The following EYS variants were observed in gnomAD, a reference collection of about 807,000 sequenced individuals.
EYS encodes protein eyes shut homolog.
Under a neutral mutation model 282.1 loss-of-function variants are expected in EYS, and 250 were observed. The ratio of observed to expected loss-of-function variants is 0.89; its 90% CI spans 0.80 to 0.98. EYS has a LOEUF of 0.98. Ranked by LOEUF, EYS falls within the 50% of genes least tolerant of loss-of-function variation. The probability of loss-of-function intolerance (pLI) is 0.00; values close to 1 mark genes in which losing one functional copy is unlikely to be tolerated. For missense variants in EYS, 4,016 were observed against 3,709.0 expected, an observed-to-expected ratio of 1.08 and a Z score of -2.15; for synonymous variants, 1,355 against 1,282.9, an observed-to-expected ratio of 1.06 and a Z score of -1.20.
chr6:64,054,574 TTGA>T (rs763812385), intron 33 of EYS, among the ~76,000 whole-genome samples: 7 of 152,258 alleles, frequency 4.6e-5, no homozygotes, highest in South Asian at 2.1e-4. Flanking sequence ...TTTTCTATTG[TTGA>T]TTTGATTTGA....
At chr6:64,568,368 G>A (rs1765622877) in intron 26 of EYS, among the ~76,000 whole-genome samples, 1 of 152,170 alleles carries the variant, frequency 6.6e-6, no homozygotes, top group Admixed American at 6.5e-5. Flanking sequence ...TCTAAAGGGA[G>A]GAGAAAAATC....
At chr6:64,616,348 A>G (rs1767275220) in intron 24 of EYS, among the ~76,000 whole-genome samples, 1 of 152,164 alleles carries the variant, frequency 6.6e-6, no homozygotes, top group African/African-American at 2.4e-5. Flanking sequence ...TCGCTTTTGT[A>G]GCAGTAAGAG....
intron 22 of EYS, among the ~76,000 whole-genome samples, chr6:64,773,501 AT>A (rs1773587880): frequency 6.6e-6 from 1 of 151,792 alleles, no homozygotes; most frequent in African/African-American, 2.4e-5. Flanking sequence ...CAATAATGGG[AT>A]TGCTGGATCG....
At chr6:64,626,577 G>T (rs1767617232) in intron 22 of EYS, among the ~76,000 whole-genome samples, 1 of 152,102 alleles carries the variant, frequency 6.6e-6, no homozygotes, top group Non-Finnish European at 1.5e-5. Context: ...GAGACCCACA[G>T]GGGAGAAGGC....
At chr6:63,883,417 C>T (rs1254805928) in intron 35 of EYS, among the ~76,000 whole-genome samples, 3 of 152,256 alleles carry the variant, frequency 2.0e-5, no homozygotes, top group Non-Finnish European at 2.9e-5. Flanking sequence ...TTCTTCTACC[C>T]TTGTGAAAAC....
At chr6:63,742,798 T>C (rs917421423) in intron 41 of EYS, among the ~76,000 whole-genome samples, 2 of 152,180 alleles carry the variant, frequency 1.3e-5, no homozygotes, top group Non-Finnish European at 2.9e-5. Flanking sequence ...AATACATGCC[T>C]GATTCATTTC....
chr6:64,668,058 C>A (rs1769296044), intron 22 of EYS, among the ~76,000 whole-genome samples: 1 of 152,174 alleles, frequency 6.6e-6, no homozygotes, highest in African/African-American at 2.4e-5. Context: ...AAGGTTACTG[C>A]TGCTCAAAAT....
intron 37 of EYS, among the ~76,000 whole-genome samples, chr6:63,790,759 A>G (rs1770490054): frequency 6.6e-6 from 1 of 152,178 alleles, no homozygotes; most frequent in Non-Finnish European, 1.5e-5. Context: ...GGGGTGGAGG[A>G]GGAAACATGA....
intron 34 of EYS, among the ~76,000 whole-genome samples, chr6:63,990,026 A>G (rs961761228): frequency 1.6e-4 from 24 of 151,560 alleles, no homozygotes; most frequent in African/African-American, 5.6e-4. Flanking sequence ...TTTTGAAGGG[A>G]CAACTAAACT....
chr6:65,270,418 C>G (rs72883285), intron 12 of EYS, among the ~76,000 whole-genome samples: 1 of 152,216 alleles, frequency 6.6e-6, no homozygotes, highest in Non-Finnish European at 1.5e-5. Flanking sequence ...TGGGGCAGCC[C>G]CTCTGCTCAT....
intron 8 of EYS, among the ~76,000 whole-genome samples, chr6:65,356,781 C>T (rs1385205152): frequency 2.0e-5 from 3 of 151,962 alleles, no homozygotes; most frequent in Non-Finnish European, 4.4e-5. Flanking sequence ...ATGTTAAGAG[C>T]AGTTAATTTA....
chr6:63,904,488 C>T (rs1362170919), intron 35 of EYS, among the ~76,000 whole-genome samples: 1 of 152,210 alleles, frequency 6.6e-6, no homozygotes. Flanking sequence ...CCTGGGAAAG[C>T]AGTGTCAGGC....
rs140599961 is a variant in EYS at position 64,365,120 on chromosome 6, A to G, written c.6078+23570T>C. On this transcript the variant is annotated intron_variant, in intron 29 of 42. Transcript: ENST00000503581. ...TCAAAGAAAGAAATAAAAAATAATG[A>G]CACACAAAAGATTCTTTTCAACTGG... Among the ~76,000 whole-genome samples, 456 of 152,084 alleles carry G rather than the reference A, an allele frequency of 3.0e-3. 2 individuals are homozygous for G. The highest frequency in any genetic ancestry group is 5.3e-3 in the Non-Finnish European group (362 of 67,936).
chr6:64,379,029 T>C lies in EYS; in HGVS notation c.6078+9661A>G, dbSNP rs1331916294. On this transcript the variant is annotated intron_variant, in intron 29 of 42. Coordinates refer to ENST00000503581, the MANE Select transcript of EYS (RefSeq NM_001142800.2). ...GATAAAGCAATGTAATATTTTACAA[T>C]TGACTTTACAAAGTACTTTATTTTT... is the stretch of plus-strand genomic sequence containing the variant. 1.3e-5 allele frequency among the ~76,000 whole-genome samples: 2 copies of C among 152,206 alleles called. 1 individual carries two copies. The highest frequency in any genetic ancestry group is 1.3e-4 in the Admixed American group (2 of 15,276).
chr6:65,539,125 A>G (rs530312625), intron 2 of EYS, among the ~76,000 whole-genome samples: 1 of 152,342 alleles, frequency 6.6e-6, no homozygotes, highest in East Asian at 1.9e-4. Flanking sequence ...AAGAATATCT[A>G]ACTGGAAATT....
chr6:64,626,992 G>C (rs1297541494), intron 22 of EYS, among the ~76,000 whole-genome samples: 1 of 152,180 alleles, frequency 6.6e-6, no homozygotes, highest in Admixed American at 6.5e-5. Context: ...ATAGGTCAGA[G>C]ACTATTGTAC....
At chr6:64,689,378 T>A (rs1044954498) in intron 22 of EYS, among the ~76,000 whole-genome samples, 2 of 151,954 alleles carry the variant, frequency 1.3e-5, no homozygotes, top group African/African-American at 4.8e-5. Flanking sequence ...ATCAATATCA[T>A]GAAAATGGCC....
intron 33 of EYS, among the ~76,000 whole-genome samples, chr6:64,035,807 T>G (rs1469320016): frequency 6.6e-6 from 1 of 152,192 alleles, no homozygotes; most frequent in Non-Finnish European, 1.5e-5. Context: ...TTTTATCTCT[T>G]TAAATTCTAT....
At chr6:63,771,689 G>T (rs1769929275) in intron 40 of EYS, among the ~76,000 whole-genome samples, 1 of 152,084 alleles carries the variant, frequency 6.6e-6, no homozygotes, top group Admixed American at 6.6e-5. Context: ...AGAGAAAAGA[G>T]GTTACTCTTA....
Sources: gnomAD v4.1 joint callset for allele counts (sites outside exome capture counted in the v4.1 genomes callset) on GRCh38, gnomAD v4.1.1 for gene constraint, MANE v1.5 for transcripts, NCBI Gene and HGNC (gene_info 2026-07-23, HGNC 2026-07-21) for gene names.